The following AGAP3 variants were observed in gnomAD, a reference collection of about 807,000 sequenced individuals.
AGAP3 encodes arf-GAP with GTPase, ANK repeat and PH domain-containing protein 3.
A neutral mutation model predicts 96.9 loss-of-function variants in AGAP3; 24 were observed. That is an observed-to-expected ratio of 0.25 (90% confidence interval 0.18 to 0.35). The LOEUF (loss-of-function observed/expected upper bound fraction) is 0.35, where lower values mean the gene tolerates loss of function less well. Ranked by LOEUF, AGAP3 falls within the 10% of genes least tolerant of loss-of-function variation. The pLI is 1.00. For synonymous variants in AGAP3, 563 were observed against 536.1 expected, an observed-to-expected ratio of 1.05 and a Z score of -0.69; for missense variants, 876 against 1,254.2, an observed-to-expected ratio of 0.70 and a Z score of 4.55.
intron 1 of AGAP3, 127 bp from the exon 2 acceptor site, chr7:151,116,666 C>T (rs1380942062): frequency 1.0e-5 from 10 of 994,244 alleles, no homozygotes; most frequent in East Asian, 2.4e-5. Context: ...GGTTGGGGGT[C>T]CCGTGGAGGA....
chr7:151,118,155 C>T lies in AGAP3; in HGVS notation c.707-55C>T. 2 of 1,561,408 alleles carry T rather than the reference C, an allele frequency of 1.3e-6. No homozygotes were observed. Among genetic ancestry groups the T allele is most frequent in the Non-Finnish European group, 1.7e-6 (2 of 1,148,284 alleles). On this transcript the variant is annotated intron_variant, in intron 5 of 17. Coordinates refer to ENST00000397238, the MANE Select transcript of AGAP3 (RefSeq NM_031946.7). The surrounding 1 kb of genome is among the most constrained non-coding windows in gnomAD (Gnocchi z 6.1). ...CCCTTGGGCCAAATGCCCCCCACCA[C>T]ACTACCCCAGCTTCTCCGAAAGCTG...
Position 151,142,977 on chromosome 7 carries a change from C to T in AGAP3, c.2273+343C>T, listed in dbSNP as rs1800879546. Reference sequence around the variant, plus strand: ...GAGTGTGTGGCCCCCCAGTGCAGGCCCCCACCCGCTTTGTTCCAGCACTGC... The same window carrying T: ...GAGTGTGTGGCCCCCCAGTGCAGGCTCCCACCCGCTTTGTTCCAGCACTGC... On this transcript the variant is annotated intron_variant, in intron 16 of 17. Transcript: ENST00000397238. The surrounding 1 kb of genome is among the most constrained non-coding windows in gnomAD (Gnocchi z 7.5). 6.6e-6 allele frequency among the ~76,000 whole-genome samples: 1 copy of T among 152,136 alleles called. No homozygotes were observed. Among genetic ancestry groups the T allele is most frequent in the Non-Finnish European group, 1.5e-5 (1 of 68,010 alleles).
At position 151,136,853 on chromosome 7, in the gene AGAP3, A is replaced by G. The variant is rs191224433; in HGVS notation, c.1496-1290A>G. Among the ~76,000 whole-genome samples the G allele has an allele frequency of 2.1e-3, 323 of 152,150 alleles. 2 individuals are homozygous for G. The highest frequency in any genetic ancestry group is 7.1e-3 in the African/African-American group (295 of 41,506). On this transcript the variant is annotated intron_variant, in intron 11 of 17. Transcript: ENST00000397238. Reference sequence around the variant, plus strand: ...CTGAGAAATGAGGGACCAAGTGTGCACCCCGGAAGGTTTCCTGAGGCGGGA... The same window carrying G: ...CTGAGAAATGAGGGACCAAGTGTGCGCCCCGGAAGGTTTCCTGAGGCGGGA...
At chr7:151,117,254 G>GC in intron 3 of AGAP3, 72 bp downstream of exon 3, 1 of 1,570,320 alleles carries the variant, frequency 6.4e-7, no homozygotes, top group Non-Finnish European at 8.7e-7. Flanking sequence ...GGGTCTGGGT[G>GC]GGGGGTCTCC....
rs1800821551 is a variant in AGAP3 at position 151,141,777 on chromosome 7, G to T, written c.1805-121G>T. 1 of 1,302,008 alleles carries T rather than the reference G, an allele frequency of 7.7e-7. No homozygotes were observed. Among genetic ancestry groups the T allele is most frequent in the Non-Finnish European group, 1.1e-6 (1 of 912,948 alleles). 80.7% of individuals were successfully genotyped at this position (1,302,008 alleles called of 1,614,324 possible). A position where few individuals can be genotyped will look rare whatever the true frequency, so the allele number is the denominator to read the frequency against. ...TGGAGTGTGTGGCCTTGCAGCTGGG[G>T]AAGGGTCTAGGGGAGGACACTTGCC... On this transcript the variant is annotated intron_variant, in intron 13 of 17. Coordinates refer to ENST00000397238, the MANE Select transcript of AGAP3 (RefSeq NM_031946.7). The surrounding 1 kb of genome is among the most constrained non-coding windows in gnomAD (Gnocchi z 4.2).
At position 151,114,692 on chromosome 7, in the gene AGAP3, CGCCCCGGCCGCG is replaced by C. The variant is rs1488309545; in HGVS notation, c.332-2091_332-2080del. ...GGTGCCCAGAGGCCGGAGGTCCGTG[CGCCCCGGCCGCG>C]GCCCCGGCCCGGGCCCAGCCCCGTG... is the stretch of plus-strand genomic sequence containing the variant. On this transcript the variant is annotated intron_variant, in intron 1 of 17. Coordinates refer to ENST00000397238, the MANE Select transcript of AGAP3 (RefSeq NM_031946.7). This position sits in a 1 kb window ranked among gnomAD's most constrained non-coding sequence, Gnocchi z 4.4. The C allele has an allele frequency of 2.7e-5, 27 of 992,382 alleles. No individual in the cohort carries two copies. Among genetic ancestry groups the C allele is most frequent in the East Asian group, 1.1e-4 (1 of 9,174 alleles). 61.5% of individuals were successfully genotyped at this position (992,382 alleles called of 1,614,324 possible).
Position 151,120,090 on chromosome 7 carries a change from C to T in AGAP3, c.1073C>T (p.Ser358Phe), listed in dbSNP as rs1585080253. 4 of 1,613,976 alleles carry T rather than the reference C, an allele frequency of 2.5e-6. No homozygotes were observed. Among genetic ancestry groups the T allele is most frequent in the African/African-American group, 1.3e-5 (1 of 75,068 alleles). Residue 358 changes from serine (S) to phenylalanine (F), a missense_variant, in exon 8 of 18, where the codon TCC (serine) becomes TTC (phenylalanine). By Grantham distance (155) the Ser-to-Phe change is radical. Coordinates refer to ENST00000397238, the MANE Select transcript of AGAP3 (RefSeq NM_031946.7). ...CTGCGCATCGAGACCATCGCTGCCT[C>T]CTCCACCCCCACACCCATCCGAAAG... ...RELRIETIAA[S>F]STPTPIRKQS... is the part of the protein sequence containing the mutation.
intron 8 of AGAP3, chr7:151,120,760 C>T: frequency 8.4e-7 from 1 of 1,191,860 alleles, no homozygotes; most frequent in Non-Finnish European, 1.1e-6. Flanking sequence ...GTCCTGTCTC[C>T]TTGTGAGCTC....
At chr7:151,112,229 A>T (rs1799320916) in intron 1 of AGAP3, 1 of 152,210 alleles carries the variant, frequency 6.6e-6, no homozygotes. Context: ...AGGACTGGGA[A>T]GGAGAGGGCA....
chr7:151,137,763 T>G, intron 11 of AGAP3: 1 of 249,266 alleles, frequency 4.0e-6, no homozygotes, highest in Non-Finnish European at 7.6e-6. Context: ...GCAAATGGCA[T>G]ATGTGGACTA....
chr7:151,115,022 C>A, intron 1 of AGAP3: 1 of 991,144 alleles, frequency 1.0e-6, no homozygotes, highest in South Asian at 4.5e-5. Flanking sequence ...GCCCGCGCCT[C>A]GGCCGCCGGG....
Position 151,143,940 on chromosome 7 carries a change from A to C in AGAP3, c.2733A>C (p.Leu911=). Residue 911 remains leucine, a synonymous_variant, in exon 18 of 18, where the codon CTA becomes CTC. Transcript: ENST00000397238. The surrounding 1 kb of genome is among the most constrained non-coding windows in gnomAD (Gnocchi z 5.9). ...SAELHRSPSL[L] is the part of the protein sequence containing the mutation. ...AGCTGCACCGTAGTCCTAGCCTCCT[A>C]TAAGGCCCAGGAAGAGGGCAGAGGG... 6.2e-7 allele frequency: 1 copy of C among 1,613,796 alleles called. No homozygotes were observed. The highest frequency in any genetic ancestry group is 8.5e-7 in the Non-Finnish European group (1 of 1,179,848).
At chr7:151,116,891 G>GA in intron 2 of AGAP3, 40 bp downstream of exon 2, 2 of 1,551,466 alleles carry the variant, frequency 1.3e-6, no homozygotes, top group East Asian at 2.3e-5. Flanking sequence ...GCCTGGAGCT[G>GA]GGGGGGCGAG....
At chr7:151,103,368 G>A (rs959743424) in intron 1 of AGAP3, among the ~76,000 whole-genome samples, 2 of 152,320 alleles carry the variant, frequency 1.3e-5, no homozygotes, top group East Asian at 1.9e-4. Flanking sequence ...GAAGAATGTT[G>A]TCTAATCTTG....
rs575301852 is a variant in AGAP3, at chr7:151,138,213, C to G, written c.1566C>G (p.Gly522=). 69 of 1,611,718 alleles carry G rather than the reference C, an allele frequency of 4.3e-5. No homozygotes were observed. The South Asian group carries it at 6.6e-4, about 15-fold the overall frequency. The part of the protein sequence containing the change: ...ERPLSSSAWA[G]PRPEGLHQRS... ...CCCTCAGCAGCTCGGCCTGGGCTGG[C>G]CCGCGCCCTGAGGGGCTGCACCAGC... Residue 522 remains glycine, a synonymous_variant, in exon 12 of 18, where the codon GGC becomes GGG. Transcript: ENST00000397238.
chr7:151,122,893 C>G (rs1365091282), intron 8 of AGAP3: 2 of 1,533,502 alleles, frequency 1.3e-6, no homozygotes, highest in African/African-American at 2.8e-5. Flanking sequence ...CCGCCGAGCT[C>G]CCCACTCCAG....
In AGAP3 at chr7:151,143,711, C is replaced by T. The variant is rs751591991; in HGVS notation, c.2530-26C>T. ...TCTCTCTCCTCCCATGTCTTGCCAA[C>T]TGTCAACATGTGTTTTCTCCTACAG... On this transcript the variant is annotated intron_variant, in intron 17 of 17. Coordinates refer to ENST00000397238, the MANE Select transcript of AGAP3 (RefSeq NM_031946.7). This position sits in a 1 kb window ranked among gnomAD's most constrained non-coding sequence, Gnocchi z 5.9. The T allele has an allele frequency of 1.2e-6, 2 of 1,613,510 alleles. No individual in the cohort carries two copies. Among genetic ancestry groups the T allele is most frequent in the South Asian group, 2.2e-5 (2 of 91,046 alleles).
chr7:151,091,728 C>T (rs1489041818), intron 1 of AGAP3, among the ~76,000 whole-genome samples: 2 of 152,206 alleles, frequency 1.3e-5, no homozygotes, highest in East Asian at 1.9e-4. Context: ...TGCATGGCCT[C>T]GTGGGAACCC....
At chr7:151,086,147 G>A (rs956050007), upstream of AGAP3, 1 of 152,350 alleles carries the variant, frequency 6.6e-6, no homozygotes, top group African/African-American at 2.4e-5. Context: ...GGAGGCGAAA[G>A]CGACAGCCGG....
Sources: allele counts gnomAD v4.1 joint callset (sites outside exome capture counted in the v4.1 genomes callset), GRCh38; gene constraint gnomAD v4.1.1; non-coding constraint Gnocchi (gnomAD v3.1); transcripts MANE v1.5; gene names NCBI Gene and HGNC (gene_info 2026-07-23, HGNC 2026-07-21).